Variants in NEK7 observed in about 807,000 individuals in gnomAD.
The protein encoded by NEK7 is serine/threonine-protein kinase Nek7.
A neutral mutation model predicts 44.6 loss-of-function variants in NEK7; 18 were observed. The observed-to-expected ratio is 0.40, with a 90% CI of 0.28 to 0.60. NEK7 has a LOEUF of 0.60. Ranked by LOEUF, NEK7 falls within the 20% of genes least tolerant of loss-of-function variation. NEK7 has a pLI of 0.38. For missense variants in NEK7, 256 were observed against 366.5 expected (o/e 0.70, Z 2.46); for synonymous variants, 130 against 121.1 (o/e 1.07, Z -0.48).
chr1:198,194,769 A>G (rs1310288289), intron 1 of NEK7, among the ~76,000 whole-genome samples: 1 of 152,222 alleles, frequency 6.6e-6, no homozygotes, highest in Non-Finnish European at 1.5e-5. Context: ...ATAGTGCTGC[A>G]GTGAACATAC....
chr1:198,269,299 C>A (rs921368731), intron 5 of NEK7, among the ~76,000 whole-genome samples: 1 of 152,114 alleles, frequency 6.6e-6, no homozygotes, highest in Non-Finnish European at 1.5e-5. Flanking sequence ...ACTGTCACAG[C>A]AATTTCCTGC....
chr1:198,264,944 A>G (rs574699639), intron 5 of NEK7, among the ~76,000 whole-genome samples: 51 of 152,192 alleles, frequency 3.4e-4, no homozygotes, highest in African/African-American at 1.2e-3. Context: ...AGAGCTTAGA[A>G]GAATGCCTCA....
At chr1:198,280,868 A>AAAATAG (rs1241559713) in intron 7 of NEK7, among the ~76,000 whole-genome samples, 1 of 151,158 alleles carries the variant, frequency 6.6e-6, no homozygotes, top group Non-Finnish European at 1.5e-5. Context: ...CAGCAGTGAA[A>AAAATAG]AAATAGAAAT....
chr1:198,311,111 C>T (rs1040917145), intron 9 of NEK7, among the ~76,000 whole-genome samples: 9 of 149,040 alleles, frequency 6.0e-5, no homozygotes, highest in Non-Finnish European at 1.0e-4. Flanking sequence ...TCTTTTATTT[C>T]CTTGAGCAGT....
intron 5 of NEK7, among the ~76,000 whole-genome samples, chr1:198,264,749 C>T (rs1044517305): frequency 2.0e-5 from 3 of 151,874 alleles, no homozygotes; most frequent in African/African-American, 7.3e-5. Context: ...ACCTTCTTTT[C>T]TAAGGGCATA....
In NEK7 at chr1:198,264,177, A is replaced by G; in HGVS notation, c.314A>G (p.Asn105Ser). ...TATTATGCATCATTCATTGAAGATA[A>G]TGAACTAAACATAGTTTTGGAACTA... Reference protein sequence around the residue: ...IKYYASFIEDNELNIVLELAD... With the variant: ...IKYYASFIEDSELNIVLELAD... Residue 105 changes from asparagine (N) to serine (S), a missense_variant, in exon 5 of 10, where the codon AAT becomes AGT. Coordinates refer to ENST00000367385, the MANE Select transcript of NEK7 (RefSeq NM_133494.3). 1.2e-6 allele frequency: 2 copies of G among 1,606,936 alleles called. No homozygotes were observed. Among genetic ancestry groups the G allele is most frequent in the Non-Finnish European group, 1.7e-6 (2 of 1,176,704 alleles).
At chr1:198,233,476 T>A (rs183019234) in intron 2 of NEK7, among the ~76,000 whole-genome samples, 33 of 152,326 alleles carry the variant, frequency 2.2e-4, no homozygotes, top group African/African-American at 7.7e-4. Context: ...GCTTGGTGTT[T>A]GAGGCATTCT....
chr1:198,263,285 A>C (rs559836997), intron 4 of NEK7, among the ~76,000 whole-genome samples: 1 of 152,008 alleles, frequency 6.6e-6, no homozygotes, highest in African/African-American at 2.4e-5. Context: ...AGATTTATGC[A>C]AAAAGGAAGA....
rs1462920497 is a variant in NEK7, at chr1:198,278,316, G to A, written c.481+247G>A. Among the ~76,000 whole-genome samples the A allele has an allele frequency of 3.3e-5, 5 of 151,380 alleles. No individual in the cohort carries two copies. The East Asian group carries it at 7.8e-4, about 23-fold the overall frequency. On this transcript the variant is annotated intron_variant, in intron 6 of 9. Coordinates refer to ENST00000367385, the MANE Select transcript of NEK7 (RefSeq NM_133494.3). ...AGATGCTGTTGGTAAAGATAAGACA[G>A]CAATCAAATATATATAAGGAAGAGT... is the stretch of plus-strand genomic sequence containing the variant.
intron 1 of NEK7, among the ~76,000 whole-genome samples, chr1:198,185,962 T>C (rs1171831555): frequency 6.6e-6 from 1 of 152,258 alleles, no homozygotes; most frequent in East Asian, 1.9e-4. Flanking sequence ...AATGAAAATC[T>C]ATAAATCATC....
intron 3 of NEK7, among the ~76,000 whole-genome samples, chr1:198,258,077 C>G (rs114890359): frequency 6.6e-6 from 1 of 152,070 alleles, no homozygotes; most frequent in African/African-American, 2.4e-5. Flanking sequence ...AAGGCCTCTC[C>G]GAGGATGTGA....
intron 5 of NEK7, among the ~76,000 whole-genome samples, chr1:198,271,128 A>G (rs1653830431): frequency 2.0e-5 from 3 of 152,032 alleles, no homozygotes; most frequent in Admixed American, 6.6e-5. Flanking sequence ...CTCTGGATTC[A>G]GATCTCTCTT....
At chr1:198,221,587 C>T (rs907630133) in intron 1 of NEK7, among the ~76,000 whole-genome samples, 6 of 151,560 alleles carry the variant, frequency 4.0e-5, no homozygotes, top group African/African-American at 1.5e-4. Flanking sequence ...GGCCAAGAAT[C>T]AGATTAATGT....
At chr1:198,231,334 T>A (rs897210794) in intron 1 of NEK7, among the ~76,000 whole-genome samples, 6 of 139,610 alleles carry the variant, frequency 4.3e-5, no homozygotes, top group Non-Finnish European at 7.6e-5. Flanking sequence ...TATATATATA[T>A]ATAAAAACAC....
chr1:198,280,065 T>C (rs6668469), intron 7 of NEK7, among the ~76,000 whole-genome samples: 30,128 of 151,976 alleles, frequency 0.2, 3,570 homozygotes, highest in African/African-American at 0.32. Context: ...CTGAATAACA[T>C]AGTTTTTTTC....
At chr1:198,293,209 A>G (rs1023590892) in intron 8 of NEK7, among the ~76,000 whole-genome samples, 170 bp downstream of exon 8, 2 of 151,954 alleles carry the variant, frequency 1.3e-5, no homozygotes, top group Admixed American at 6.6e-5. Context: ...ATAACTATAC[A>G]TTCCTACACA....
At chr1:198,157,574 G>T (rs558236767) in intron 1 of NEK7, among the ~76,000 whole-genome samples, 4 of 152,374 alleles carry the variant, frequency 2.6e-5, no homozygotes, top group African/African-American at 9.6e-5. Context: ...CCACGGCGGC[G>T]GCGGCAACAG....
At chr1:198,228,066 C>T (rs1666281100) in intron 1 of NEK7, among the ~76,000 whole-genome samples, 1 of 152,194 alleles carries the variant, frequency 6.6e-6, no homozygotes, top group African/African-American at 2.4e-5. Flanking sequence ...GGAAGGGATC[C>T]AGTTGCAGCT....
chr1:198,218,755 A>G (rs1665998203), intron 1 of NEK7, among the ~76,000 whole-genome samples: 1 of 151,986 alleles, frequency 6.6e-6, no homozygotes, highest in Non-Finnish European at 1.5e-5. Flanking sequence ...AAAAGCATGA[A>G]TAGACATTTC....
Sources: gnomAD v4.1 joint callset for allele counts (sites outside exome capture counted in the v4.1 genomes callset) on GRCh38, gnomAD v4.1.1 for gene constraint, MANE v1.5 for transcripts, NCBI Gene and HGNC (gene_info 2026-07-23, HGNC 2026-07-21) for gene names.